ABCC11: variants seen among roughly 807,000 people sequenced by gnomAD.
ABCC11 encodes ATP binding cassette subfamily C member 11.
ABCC11 carries 135 observed loss-of-function variants against 149.3 expected under a neutral mutation model. The observed-to-expected ratio is 0.90, with a 90% confidence interval of 0.79 to 1.04. The LOEUF is 1.04. Among genes scored for constraint, ABCC11 ranks in the 50% least tolerant of loss-of-function variants. The pLI, the probability that ABCC11 is intolerant of heterozygous loss-of-function variation, is 0.00. For missense variants in ABCC11, 1,680 were observed against 1,722.1 expected, an observed-to-expected ratio of 0.98 and a Z score of 0.43; for synonymous variants, 665 against 671.4, an observed-to-expected ratio of 0.99 and a Z score of 0.15.
intron 20 of ABCC11, among the ~76,000 whole-genome samples, chr16:48,190,952 AGAAAAG>A (rs950401972): frequency 6.6e-6 from 1 of 152,102 alleles, no homozygotes; most frequent in Non-Finnish European, 1.5e-5. Context: ...ACTACATTTT[AGAAAAG>A]GCAAAGCTAT....
chr16:48,213,480 C>T lies in ABCC11; in HGVS notation c.1319G>A (p.Gly440Asp), dbSNP rs143771722. 540 of 1,612,388 alleles carry T rather than the reference C, an allele frequency of 3.3e-4. 1 individual carries two copies. Among genetic ancestry groups the T allele is most frequent in the Non-Finnish European group, 4.4e-4 (519 of 1,179,196 alleles). The change falls in exon 10 of 30, where the codon GGT becomes GAT. Residue 440 changes from glycine to aspartate, a missense_variant. Gly to Asp is a moderately conservative substitution (Grantham distance 94). Transcript: ENST00000356608. ...CACTGCAGACTTGGAATTCGTGAGA[C>T]CTTTGACTGCAATAGGCACAAAGAA... Reference protein sequence around the residue: ...SVFFVPIAVKGLTNSKSAVMR... With the variant: ...SVFFVPIAVKDLTNSKSAVMR...
Position 48,175,396 on chromosome 16 carries a change from GC to G in ABCC11, c.3559del (p.Ala1187LeufsTer34). 6.2e-7 allele frequency: 1 copy of G among 1,611,542 alleles called. No individual in the cohort carries two copies. Among genetic ancestry groups the G allele is most frequent in the Non-Finnish European group, 8.5e-7 (1 of 1,177,842 alleles). On this transcript the variant is annotated frameshift_variant, in exon 26 of 30. Transcript: ENST00000356608. LOFTEE classifies it high-confidence loss of function. ...TGSGKSSLGM[A>X]LFRLVEPMAG... ...CATGGGCTCCACCAGGCGGAAGAGA[GC>G]CATGCCCAAGGAGGACTTCCCTGTG...
rs780549627 is a variant in ABCC11 at position 48,224,415 on chromosome 16, C to A, written c.410G>T (p.Trp137Leu). 28 of 1,614,000 alleles carry A rather than the reference C, an allele frequency of 1.7e-5. No individual in the cohort carries two copies. The South Asian group carries it at 2.9e-4, about 16-fold the overall frequency. ...CCCTCGCCTTGAGACTTCTTCTTCC[C>A]AAAGGCGGTGAAGCCTTGAAAAGAG... The part of the protein sequence containing the change: ...DKNVQRLHRL[W>L]EEEVSRRGIE... The change falls in exon 5 of 30, where the codon TGG becomes TTG. Residue 137 changes from tryptophan to leucine, a missense_variant. Physicochemically the swap from Trp to Leu is moderately conservative, Grantham distance 61. Coordinates refer to ENST00000356608, the MANE Select transcript of ABCC11 (RefSeq NM_001370497.1).
At chr16:48,232,185 C>T in intron 1 of ABCC11, 1 of 748,056 alleles carries the variant, frequency 1.3e-6, no homozygotes, top group East Asian at 3.9e-5. Context: ...CCAACCCACC[C>T]CCAACACCGC....
At chr16:48,228,630 T>C (rs953834868) in intron 3 of ABCC11, among the ~76,000 whole-genome samples, 2 of 151,996 alleles carry the variant, frequency 1.3e-5, no homozygotes, top group Non-Finnish European at 2.9e-5. Flanking sequence ...TTTTTTCACT[T>C]ATATAAAAAA....
chr16:48,183,415 GC>G (rs1244238102), intron 23 of ABCC11, among the ~76,000 whole-genome samples: 1 of 152,216 alleles, frequency 6.6e-6, no homozygotes, highest in Non-Finnish European at 1.5e-5. Context: ...AGGGATTCCG[GC>G]CTTGAGGTAC....
At chr16:48,233,469 GATAGAAA>G (rs1190305741) in intron 1 of ABCC11, among the ~76,000 whole-genome samples, 1 of 152,208 alleles carries the variant, frequency 6.6e-6, no homozygotes, top group Non-Finnish European at 1.5e-5. Flanking sequence ...CTTCAGGGAT[GATAGAAA>G]AGAGAAAAGA....
intron 1 of ABCC11, among the ~76,000 whole-genome samples, chr16:48,241,893 T>C (rs111580889): frequency 6.6e-6 from 1 of 152,192 alleles, no homozygotes; most frequent in South Asian, 2.1e-4. Context: ...CAAAAATTAA[T>C]TCAAGATGGA....
At chr16:48,164,898 G>T (rs1965288582), downstream of ABCC11, 1 of 152,212 alleles carries the variant, frequency 6.6e-6, no homozygotes, top group African/African-American at 2.4e-5. Flanking sequence ...GACGGGGGCA[G>T]ATGGGATGGG....
intron 6 of ABCC11, among the ~76,000 whole-genome samples, chr16:48,218,139 A>G (rs1596806718): frequency 6.6e-6 from 1 of 152,118 alleles, no homozygotes; most frequent in African/African-American, 2.4e-5. Context: ...TCTAAAAAAA[A>G]TTAAAAATTA....
At chr16:48,234,429 T>C (rs1970586402) in intron 1 of ABCC11, among the ~76,000 whole-genome samples, 1 of 152,220 alleles carries the variant, frequency 6.6e-6, no homozygotes, top group Non-Finnish European at 1.5e-5. Context: ...TCATGAAAAT[T>C]TGACCGATGA....
chr16:48,244,330 C>A, intron 1 of ABCC11: 2 of 1,294,260 alleles, frequency 1.5e-6, no homozygotes, highest in Non-Finnish European at 1.0e-6. Context: ...GCGGGGCAGG[C>A]CGGGGGCAGC....
chr16:48,208,463 T>C lies in ABCC11; in HGVS notation c.1642A>G (p.Ser548Gly). ...GCTGACAACAGGCTGCTCTTACCAC[T>C]CCCCGTGTTGCCGCAGACCCCTAAC... ...MMLGVCGNTGSGKSSLLSAIL... is the reference protein window; with the variant it reads ...MMLGVCGNTGGGKSSLLSAIL... The change falls in exon 12 of 30, where the codon AGT becomes GGT. Residue 548 changes from serine to glycine, a missense_variant. Ser to Gly is a moderately conservative substitution (Grantham distance 56). Coordinates refer to ENST00000356608, the MANE Select transcript of ABCC11 (RefSeq NM_001370497.1). 8 of 1,614,004 alleles carry C rather than the reference T, an allele frequency of 5.0e-6. No homozygotes were observed. The highest frequency in any genetic ancestry group is 6.8e-6 in the Non-Finnish European group (8 of 1,179,978).
At chr16:48,242,302 T>G (rs1344414703) in intron 1 of ABCC11, among the ~76,000 whole-genome samples, 1 of 152,146 alleles carries the variant, frequency 6.6e-6, no homozygotes, top group African/African-American at 2.4e-5. Context: ...AAAATGCTCA[T>G]CATCAGTGGC....
intron 9 of ABCC11, 104 bp from the exon 10 acceptor site, chr16:48,213,654 G>A: frequency 1.2e-6 from 1 of 835,900 alleles, no homozygotes; most frequent in Admixed American, 3.1e-5. Context: ...CCAACAAGCA[G>A]TTGCTTCATC....
chr16:48,225,931 G>A (rs144887498), intron 4 of ABCC11, among the ~76,000 whole-genome samples: 241 of 152,252 alleles, frequency 1.6e-3, no homozygotes, highest in African/African-American at 5.6e-3. Context: ...TGTAAGTAAC[G>A]AAATTAAAAA....
At chr16:48,222,564 G>A (rs1209335199) in intron 6 of ABCC11, 34 bp downstream of exon 6, 5 of 1,580,316 alleles carry the variant, frequency 3.2e-6, no homozygotes, top group Admixed American at 1.7e-5. Context: ...GGGTAGGGAA[G>A]CATGGCCCAG....
chr16:48,204,208 A>T (rs983237654), intron 13 of ABCC11, among the ~76,000 whole-genome samples: 1 of 152,228 alleles, frequency 6.6e-6, no homozygotes, highest in Non-Finnish European at 1.5e-5. Flanking sequence ...CAGATATTGC[A>T]AAATTTCTGT....
chr16:48,221,361 T>A (rs1380882272), intron 6 of ABCC11, among the ~76,000 whole-genome samples: 1 of 152,014 alleles, frequency 6.6e-6, no homozygotes, highest in East Asian at 1.9e-4. Flanking sequence ...ATGAAATAGA[T>A]GAAATCCCAG....
Sources: allele counts gnomAD v4.1 joint callset (sites outside exome capture counted in the v4.1 genomes callset), GRCh38; gene constraint gnomAD v4.1.1; transcripts MANE v1.5; gene names NCBI Gene and HGNC (gene_info 2026-07-23, HGNC 2026-07-21).